The following TBC1D10A variants were observed in gnomAD, a reference collection of about 807,000 sequenced individuals.
The protein encoded by TBC1D10A is TBC1 domain family member 10A.
Under a neutral mutation model 52.9 loss-of-function variants are expected in TBC1D10A, and 24 were observed. That is an observed-to-expected ratio of 0.45 (90% CI 0.33 to 0.64). The LOEUF (loss-of-function observed/expected upper bound fraction) is 0.64. TBC1D10A is among the 30% of genes least tolerant of loss of function. The pLI, the probability that TBC1D10A is intolerant of heterozygous loss-of-function variation, is 0.02. For synonymous variants in TBC1D10A, 278 were observed against 282.9 expected (o/e 0.98, Z 0.17); for missense variants, 602 against 687.9 (o/e 0.88, Z 1.40).
chr22:30,304,179 C>T (rs1250678077), intron 2 of TBC1D10A, among the ~76,000 whole-genome samples: 1 of 152,218 alleles, frequency 6.6e-6, no homozygotes, highest in Non-Finnish European at 1.5e-5. Context: ...ATGTTCCATA[C>T]ACGCTAGTTA....
chr22:30,292,462 G>A lies in TBC1D10A; in HGVS notation c.1440C>T (p.Ala480=). The change falls in exon 9 of 9, where the codon GCC becomes GCT. Residue 480 remains alanine, a synonymous_variant. Transcript: ENST00000215790. The part of the protein sequence containing the change: ...PPKDSAPKDS[A]PQDLAPQVSA... ...AGACCTGGGGAGCCAAATCCTGAGG[G>A]GCTGAGTCCTTGGGGGCTGAGTCCT... The A allele has an allele frequency of 6.2e-7, 1 of 1,604,048 alleles. No homozygotes were observed. The highest frequency in any genetic ancestry group is 8.5e-7 in the Non-Finnish European group (1 of 1,174,310).
intron 1 of TBC1D10A, among the ~76,000 whole-genome samples, chr22:30,319,909 G>A (rs1272971853): frequency 6.6e-6 from 1 of 152,246 alleles, no homozygotes; most frequent in Non-Finnish European, 1.5e-5. Flanking sequence ...AGTCGGCAAT[G>A]CATCCTGAGC....
chr22:30,321,451 C>T (rs1930650599), intron 1 of TBC1D10A, among the ~76,000 whole-genome samples: 1 of 152,332 alleles, frequency 6.6e-6, no homozygotes, highest in South Asian at 2.1e-4. Context: ...AGGGCCCTGA[C>T]CCCACTCCAA....
intron 1 of TBC1D10A, among the ~76,000 whole-genome samples, chr22:30,312,562 C>T (rs1348849147): frequency 6.6e-6 from 1 of 152,116 alleles, no homozygotes. Flanking sequence ...AAACAAAGAA[C>T]AATAACAACA....
At chr22:30,323,333 A>G (rs1930697645) in intron 1 of TBC1D10A, among the ~76,000 whole-genome samples, 1 of 152,236 alleles carries the variant, frequency 6.6e-6, no homozygotes, top group Admixed American at 6.5e-5. Flanking sequence ...TGAACTGGTA[A>G]TGACAACATA....
intron 2 of TBC1D10A, among the ~76,000 whole-genome samples, chr22:30,303,097 A>G (rs5763939): frequency 0.65 from 99,585 of 152,210 alleles, 33,702 homozygotes; most frequent in African/African-American, 0.81. Flanking sequence ...CCTGGGCAAC[A>G]TGGTGAAACC....
chr22:30,324,419 G>A (rs1930723613), intron 1 of TBC1D10A, among the ~76,000 whole-genome samples: 1 of 152,186 alleles, frequency 6.6e-6, no homozygotes, highest in Non-Finnish European at 1.5e-5. Flanking sequence ...GAAAGTGAGG[G>A]AAGGAGAGAG....
At chr22:30,318,604 A>G (rs1930585865) in intron 1 of TBC1D10A, 1 of 471,038 alleles carries the variant, frequency 2.1e-6, no homozygotes, top group African/African-American at 2.0e-5. Context: ...AGAGGGCTCC[A>G]GAATGGACTC....
rs1161172220 is a variant in TBC1D10A, at chr22:30,295,719, G to A, written c.524+18C>T. Reference sequence around the variant, plus strand: ...GCCCTAGAGCCACCTCCCACCTCATGAGGCCCAGCCTGCTCACCCGTGGCC... The same window carrying A: ...GCCCTAGAGCCACCTCCCACCTCATAAGGCCCAGCCTGCTCACCCGTGGCC... On this transcript the variant is annotated intron_variant, in intron 4 of 8. Transcript: ENST00000215790. 5 of 1,613,322 alleles carry A rather than the reference G, an allele frequency of 3.1e-6. No individual in the cohort carries two copies. Among genetic ancestry groups the A allele is most frequent in the Non-Finnish European group, 4.2e-6 (5 of 1,179,684 alleles).
chr22:30,318,903 C>T (rs1930593082), intron 1 of TBC1D10A: 1 of 352,288 alleles, frequency 2.8e-6, no homozygotes, highest in Non-Finnish European at 5.6e-6. Flanking sequence ...ACTCAGACCG[C>T]CCAACCCATT....
chr22:30,309,271 C>G (rs1486918842), intron 1 of TBC1D10A, among the ~76,000 whole-genome samples: 1 of 151,402 alleles, frequency 6.6e-6, no homozygotes, highest in Non-Finnish European at 1.5e-5. Context: ...GAGTCTTGCT[C>G]TGTCGCCCAG....
Position 30,299,570 on chromosome 22 carries a change from G to C in TBC1D10A, c.310-19C>G, listed in dbSNP as rs1430920653. 1 of 1,612,562 alleles carries C rather than the reference G, an allele frequency of 6.2e-7. No individual in the cohort carries two copies. On this transcript the variant is annotated intron_variant, in intron 2 of 8. Coordinates refer to ENST00000215790, the MANE Select transcript of TBC1D10A (RefSeq NM_031937.3). ...GACGAATCTGAAAATCAAAAGGACA[G>C]CTGAGCCCATGCAGCCACCCAGGCA... is the stretch of plus-strand genomic sequence containing the variant.
At chr22:30,313,114 C>T (rs1386104359) in intron 1 of TBC1D10A, among the ~76,000 whole-genome samples, 2 of 152,094 alleles carry the variant, frequency 1.3e-5, no homozygotes, top group Non-Finnish European at 2.9e-5. Flanking sequence ...GGGGAAAGAA[C>T]ACACCAGGCA....
intron 1 of TBC1D10A, among the ~76,000 whole-genome samples, chr22:30,308,468 C>G (rs1335108779): frequency 3.9e-5 from 6 of 152,232 alleles, no homozygotes; most frequent in Admixed American, 6.5e-5. Flanking sequence ...CACACACAAC[C>G]AGAATACATT....
chr22:30,326,635 G>GA (rs1930781797), intron 1 of TBC1D10A, 38 bp downstream of exon 1: 1 of 1,553,072 alleles, frequency 6.4e-7, no homozygotes. Context: ...CCCCTCGCGT[G>GA]GGTGGCGCGC....
chr22:30,317,330 C>T (rs1930560141), intron 1 of TBC1D10A, among the ~76,000 whole-genome samples: 1 of 152,146 alleles, frequency 6.6e-6, no homozygotes, highest in African/African-American at 2.4e-5. Context: ...ATCGCTTGAA[C>T]CGGAAGGCAG....
intron 1 of TBC1D10A, among the ~76,000 whole-genome samples, chr22:30,312,951 GAGA>G (rs1397277187): frequency 6.6e-6 from 1 of 152,206 alleles, no homozygotes; most frequent in Non-Finnish European, 1.5e-5. Context: ...CTAGCACACA[GAGA>G]AGAAGTGCCA....
At chr22:30,326,606 G>T in intron 1 of TBC1D10A, 67 bp downstream of exon 1, 1 of 1,460,358 alleles carries the variant, frequency 6.8e-7, no homozygotes. Flanking sequence ...TCCCGAGGGC[G>T]CCTCCGTCCG....
chr22:30,323,949 T>C (rs1276040870), intron 1 of TBC1D10A, among the ~76,000 whole-genome samples: 2 of 145,538 alleles, frequency 1.4e-5, no homozygotes, highest in African/African-American at 2.6e-5. Context: ...CCAGCCTGGG[T>C]GACAGAGCGA....
Sources: gnomAD v4.1 joint callset for allele counts (sites outside exome capture counted in the v4.1 genomes callset) on GRCh38, gnomAD v4.1.1 for gene constraint, MANE v1.5 for transcripts, NCBI Gene and HGNC (gene_info 2026-07-23, HGNC 2026-07-21) for gene names.